Variants in FGF2 observed in about 807,000 individuals in gnomAD.
FGF2 encodes fibroblast growth factor 2, also known as basic fibroblast growth factor bFGF.
A neutral mutation model predicts 15.9 loss-of-function variants in FGF2; 13 were observed. That is an observed-to-expected ratio of 0.82 (90% CI 0.53 to 1.30). The LOEUF is 1.30. Ranked by LOEUF, FGF2 falls within the 50% of genes most tolerant of loss-of-function variation. The pLI, the probability that FGF2 is intolerant of heterozygous loss-of-function variation, is 0.00. For missense variants in FGF2, 163 were observed against 196.9 expected (o/e 0.83, Z 1.03); for synonymous variants, 90 against 78.4 (o/e 1.15, Z -0.78).
At chr4:122,887,490 T>C (rs1727082893) in intron 2 of FGF2, among the ~76,000 whole-genome samples, 1 of 152,208 alleles carries the variant, frequency 6.6e-6, no homozygotes, top group Non-Finnish European at 1.5e-5. Flanking sequence ...GGGATCAGTT[T>C]TTCATTATGT....
intron 1 of FGF2, among the ~76,000 whole-genome samples, chr4:122,855,727 TC>T (rs1726325530): frequency 2.6e-5 from 4 of 152,336 alleles, no homozygotes; most frequent in Admixed American, 2.0e-4. Flanking sequence ...CAAAGAAATG[TC>T]AGGTGACCAA....
chr4:122,864,967 T>C (rs1726542546), intron 1 of FGF2, among the ~76,000 whole-genome samples: 1 of 152,208 alleles, frequency 6.6e-6, no homozygotes, highest in African/African-American at 2.4e-5. Context: ...TCACAATGCA[T>C]GTGGAAGTAA....
Position 122,897,575 on chromosome 4 carries a change from T to G in FGF2, c.*5179T>G. ...CTATAAAGCAAGAAAGTAAACACAT[T>G]AATTTCCTCAACATTTTTAAGCCAA... On this transcript the variant is annotated 3_prime_UTR_variant, in exon 3 of 3. Coordinates refer to ENST00000644866, the MANE Select transcript of FGF2 (RefSeq NM_001361665.2). 7.8e-7 allele frequency: 1 copy of G among 1,284,472 alleles called. No homozygotes were observed. The highest frequency in any genetic ancestry group is 1.2e-5 in the South Asian group (1 of 83,808). 79.6% of individuals were successfully genotyped at this position (1,284,472 alleles called of 1,614,324 possible).
At chr4:122,882,402 C>T (rs1158005800) in intron 2 of FGF2, 1 of 152,200 alleles carries the variant, frequency 6.6e-6, no homozygotes, top group Non-Finnish European at 1.5e-5. Context: ...AAAGAGAATT[C>T]TGACTTTTTC....
intron 2 of FGF2, among the ~76,000 whole-genome samples, chr4:122,879,099 G>T (rs1726912686): frequency 6.6e-6 from 1 of 152,120 alleles, no homozygotes; most frequent in Non-Finnish European, 1.5e-5. Flanking sequence ...CAGTTTCCTA[G>T]GTAAAGAATA....
intron 1 of FGF2, among the ~76,000 whole-genome samples, chr4:122,858,338 A>G (rs1035798225): frequency 6.6e-6 from 1 of 151,828 alleles, no homozygotes; most frequent in Non-Finnish European, 1.5e-5. Flanking sequence ...CTCCATATAC[A>G]TGTATGAAGA....
At chr4:122,843,093 C>G (rs1258152421) in intron 1 of FGF2, among the ~76,000 whole-genome samples, 1 of 152,168 alleles carries the variant, frequency 6.6e-6, no homozygotes, top group Non-Finnish European at 1.5e-5. Context: ...AGATATAAAT[C>G]AATAAGGGCA....
intron 1 of FGF2, among the ~76,000 whole-genome samples, chr4:122,847,397 T>C (rs965795256): frequency 3.9e-5 from 6 of 152,152 alleles, no homozygotes; most frequent in African/African-American, 1.4e-4. Context: ...TATCTTGGAC[T>C]GACCCCATGG....
In FGF2 at chr4:122,827,707, A is replaced by G. The variant is rs991418757; in HGVS notation, c.178+355A>G. Among the ~76,000 whole-genome samples the G allele has an allele frequency of 2.0e-5, 3 of 152,264 alleles. No individual in the cohort carries two copies. The highest frequency in any genetic ancestry group is 1.9e-4 in the East Asian group (1 of 5,168). ...CCGCCATGCAGCTCTGGCCGCTTCT[A>G]TCTGCTGCGTGCTGTCCCGGGGACA... On this transcript the variant is annotated intron_variant, in intron 1 of 2. Transcript: ENST00000644866. The surrounding 1 kb of genome is among the most constrained non-coding windows in gnomAD (Gnocchi z 4.2).
At chr4:122,870,424 T>A (rs537791584) in intron 1 of FGF2, among the ~76,000 whole-genome samples, 2 of 152,356 alleles carry the variant, frequency 1.3e-5, no homozygotes, top group South Asian at 4.1e-4. Flanking sequence ...TCTTTGTATT[T>A]CTGGTAGAAT....
intron 1 of FGF2, among the ~76,000 whole-genome samples, chr4:122,837,589 T>A (rs1201403923): frequency 6.6e-6 from 1 of 152,162 alleles, no homozygotes; most frequent in Non-Finnish European, 1.5e-5. Context: ...TTCTACCAAG[T>A]GTCATTTGAC....
At chr4:122,868,614 A>G (rs1049922471) in intron 1 of FGF2, among the ~76,000 whole-genome samples, 2 of 152,180 alleles carry the variant, frequency 1.3e-5, no homozygotes, top group Non-Finnish European at 1.5e-5. Flanking sequence ...AGAATGATGT[A>G]TATTCCTTTG....
chr4:122,830,650 G>A (rs1362912187), intron 1 of FGF2, among the ~76,000 whole-genome samples: 2 of 151,942 alleles, frequency 1.3e-5, no homozygotes, highest in Non-Finnish European at 2.9e-5. Flanking sequence ...GGTGGGAATG[G>A]ATAATATTAA....
chr4:122,877,034 C>A (rs933707021), intron 2 of FGF2, among the ~76,000 whole-genome samples: 3 of 152,056 alleles, frequency 2.0e-5, no homozygotes, highest in African/African-American at 7.2e-5. Flanking sequence ...GCATCTGACA[C>A]GTAATAGATC....
chr4:122,890,711 G>A (rs990128237), intron 2 of FGF2, among the ~76,000 whole-genome samples: 1 of 152,112 alleles, frequency 6.6e-6, no homozygotes, highest in Non-Finnish European at 1.5e-5. Flanking sequence ...TCTGGGAAAA[G>A]GTTCAAGTCT....
intron 1 of FGF2, among the ~76,000 whole-genome samples, chr4:122,857,029 C>T (rs564969520): frequency 1.3e-5 from 2 of 152,318 alleles, no homozygotes; most frequent in East Asian, 3.9e-4. Context: ...TGCATGTCGT[C>T]AGTGTTGCCT....
At chr4:122,869,796 ACTTCCTCT>A (rs1726690186) in intron 1 of FGF2, among the ~76,000 whole-genome samples, 1 of 152,190 alleles carries the variant, frequency 6.6e-6, no homozygotes, top group Non-Finnish European at 1.5e-5. Flanking sequence ...AGACAATTTG[ACTTCCTCT>A]CTTCCTATTT....
At chr4:122,889,466 C>T (rs1727124370) in intron 2 of FGF2, among the ~76,000 whole-genome samples, 1 of 152,038 alleles carries the variant, frequency 6.6e-6, no homozygotes, top group Non-Finnish European at 1.5e-5. Context: ...TTAATAGGCA[C>T]ACTGAGATCA....
chr4:122,858,969 G>C (rs1029434440), intron 1 of FGF2, among the ~76,000 whole-genome samples: 2 of 152,154 alleles, frequency 1.3e-5, no homozygotes, highest in African/African-American at 4.8e-5. Context: ...AAGGTCTTTT[G>C]AATCAGCCAG....
Sources: gnomAD v4.1 joint callset for allele counts (sites outside exome capture counted in the v4.1 genomes callset) on GRCh38, gnomAD v4.1.1 for gene constraint, Gnocchi (gnomAD v3.1) non-coding constraint, MANE v1.5 for transcripts, NCBI Gene and HGNC (gene_info 2026-07-23, HGNC 2026-07-21) for gene names.